The following DAZAP1 variants were observed in gnomAD, a reference collection of about 807,000 sequenced individuals.
DAZAP1 encodes the protein DAZ-associated protein 1.
A neutral mutation model predicts 60.1 loss-of-function variants in DAZAP1; 6 were observed. The ratio of observed to expected loss-of-function variants is 0.10; its 90% CI spans 0.05 to 0.20. The LOEUF (loss-of-function observed/expected upper bound fraction) is 0.20, where lower values mean the gene tolerates loss of function less well. DAZAP1 is among the 10% of genes least tolerant of loss of function. The probability of loss-of-function intolerance (pLI) is 1.00; values close to 1 mark genes in which losing one functional copy is unlikely to be tolerated. For missense variants in DAZAP1, 366 were observed against 560.4 expected, an observed-to-expected ratio of 0.65 and a Z score of 3.50; for synonymous variants, 235 against 215.9, an observed-to-expected ratio of 1.09 and a Z score of -0.78.
At position 1,422,174 on chromosome 19, in the gene DAZAP1, C is replaced by G. The variant is rs558413254; in HGVS notation, c.415-174C>G. On this transcript the variant is annotated intron_variant, in intron 5 of 11. Transcript: ENST00000233078. The surrounding 1 kb of genome is among the most constrained non-coding windows in gnomAD (Gnocchi z 4.5). ...GTCTGGCCCTGGGAGTGTTGGGGCT[C>G]CAGCCTTTCTCAGACAGCAGCCCCA... 6.6e-6 allele frequency among the ~76,000 whole-genome samples: 1 copy of G among 152,346 alleles called. No individual in the cohort carries two copies. The highest frequency in any genetic ancestry group is 2.4e-5 in the African/African-American group (1 of 41,582).
At chr19:1,411,283 G>A (rs966103833) in intron 1 of DAZAP1, among the ~76,000 whole-genome samples, 12 of 152,224 alleles carry the variant, frequency 7.9e-5, no homozygotes, top group Admixed American at 2.6e-4. Context: ...GGGCACCGTG[G>A]GCACTGCAGG....
rs769917383 is a variant in DAZAP1, at chr19:1,434,858, C to T, written c.1170C>T (p.Gly390=). Reference sequence around the variant, plus strand: ...GGGGCCCCCCCGCCGGCGGCAGCGGCTTTGGACGAGGGCAGAACCACAACG... The same window carrying T: ...GGGGCCCCCCCGCCGGCGGCAGCGGTTTTGGACGAGGGCAGAACCACAACG... ...GSGGPPAGGS[G]FGRGQNHNVQ... The change falls in exon 12 of 12, where the codon GGC becomes GGT. Residue 390 remains glycine, a synonymous_variant. Coordinates refer to ENST00000233078, the MANE Select transcript of DAZAP1 (RefSeq NM_018959.4). This position sits in a 1 kb window ranked among gnomAD's most constrained non-coding sequence, Gnocchi z 8.0. 1 of 1,602,078 alleles carries T rather than the reference C, an allele frequency of 6.2e-7. No individual in the cohort carries two copies. The highest frequency in any genetic ancestry group is 1.7e-5 in the Admixed American group (1 of 57,902).
At chr19:1,410,522 G>A (rs550673309) in intron 1 of DAZAP1, among the ~76,000 whole-genome samples, 1 of 152,346 alleles carries the variant, frequency 6.6e-6, no homozygotes, top group African/African-American at 2.4e-5. Flanking sequence ...TCTCCAGTGT[G>A]CCCTCCCTGG....
At position 1,425,487 on chromosome 19, in the gene DAZAP1, T is replaced by C. The variant is rs1478498489; in HGVS notation, c.464-391T>C. 6.6e-6 allele frequency among the ~76,000 whole-genome samples: 1 copy of C among 152,254 alleles called. No individual in the cohort carries two copies. Among genetic ancestry groups the C allele is most frequent in the Non-Finnish European group, 1.5e-5 (1 of 68,042 alleles). ...GCCAGAATATTCAAGCACGGGCCTCTGACCCTCCCCTGGGGGGCGCTTTGT... is the reference window on the plus strand; with the variant it reads ...GCCAGAATATTCAAGCACGGGCCTCCGACCCTCCCCTGGGGGGCGCTTTGT... On this transcript the variant is annotated intron_variant, in intron 6 of 11. Coordinates refer to ENST00000233078, the MANE Select transcript of DAZAP1 (RefSeq NM_018959.4). The surrounding 1 kb of genome is among the most constrained non-coding windows in gnomAD (Gnocchi z 5.4).
chr19:1,430,881 C>A (rs150338141), intron 10 of DAZAP1, among the ~76,000 whole-genome samples: 2 of 148,704 alleles, frequency 1.3e-5, no homozygotes, highest in East Asian at 4.1e-4. Flanking sequence ...CCACCACGCC[C>A]GGCTAATTTT....
chr19:1,434,696 G>A lies in DAZAP1; in HGVS notation c.1049-41G>A, dbSNP rs200000998. 42 of 1,603,446 alleles carry A rather than the reference G, an allele frequency of 2.6e-5. No homozygotes were observed. The highest frequency in any genetic ancestry group is 3.2e-5 in the Non-Finnish European group (38 of 1,175,800). On this transcript the variant is annotated intron_variant, in intron 11 of 11. Coordinates refer to ENST00000233078, the MANE Select transcript of DAZAP1 (RefSeq NM_018959.4). The surrounding 1 kb of genome is among the most constrained non-coding windows in gnomAD (Gnocchi z 8.0). ...GCCTCGCTCGACGGCAGTGCCAACCGCCCAGGGACCGCCCCGAGCTCACAG... is the reference window on the plus strand; with the variant it reads ...GCCTCGCTCGACGGCAGTGCCAACCACCCAGGGACCGCCCCGAGCTCACAG...
intron 1 of DAZAP1, among the ~76,000 whole-genome samples, chr19:1,411,515 C>A (rs1281215304): frequency 6.6e-6 from 1 of 152,156 alleles, no homozygotes; most frequent in African/African-American, 2.4e-5. Flanking sequence ...TGTGAATGGG[C>A]CTTGAGGGTG....
intron 2 of DAZAP1, among the ~76,000 whole-genome samples, 198 bp downstream of exon 2, chr19:1,417,738 C>T (rs1214800034): frequency 6.6e-6 from 1 of 152,154 alleles, no homozygotes; most frequent in Non-Finnish European, 1.5e-5. Flanking sequence ...TCCCAAGTTA[C>T]AGGGAAGACC....
In DAZAP1 at chr19:1,430,185, C is replaced by T. The variant is rs200950188; in HGVS notation, c.731-37C>T. 1,061 of 1,580,302 alleles carry T rather than the reference C, an allele frequency of 6.7e-4. 13 individuals carry two copies. In the Admixed American group the frequency reaches 0.016, roughly 24 times the overall value. The stretch of plus-strand genomic sequence containing the variant: ...ACTGTGGCCAGTCTGTGTTGTCCAG[C>T]GCTCTCTGTCCATCACCCCCGTACT... On this transcript the variant is annotated intron_variant, in intron 9 of 11. Coordinates refer to ENST00000233078, the MANE Select transcript of DAZAP1 (RefSeq NM_018959.4).
In DAZAP1 at chr19:1,407,641, G is replaced by GCCA. The variant is rs966315718; in HGVS notation, c.-131_-130insACC. The GCCA allele has an allele frequency of 1.1e-6, 1 of 898,452 alleles. No individual in the cohort carries two copies. Among genetic ancestry groups the GCCA allele is most frequent in the African/African-American group, 1.8e-5 (1 of 54,412 alleles). The allele number at this position is 898,452 out of a possible 1,614,324, so 55.7% of individuals were successfully genotyped here. On this transcript the variant is annotated 5_prime_UTR_variant, in exon 1 of 12. Coordinates refer to ENST00000233078, the MANE Select transcript of DAZAP1 (RefSeq NM_018959.4). ...GGCAGCCGCCGCCGCCGCCGCCGCC[G>GCCA]CCGCCGCCGCCGCCGCCGCCGTTGC...
intron 10 of DAZAP1, among the ~76,000 whole-genome samples, chr19:1,431,148 A>G (rs2083440916): frequency 6.7e-6 from 1 of 149,738 alleles, no homozygotes; most frequent in African/African-American, 2.5e-5. Flanking sequence ...TTTTTTTTTG[A>G]GATGGAGTCT....
chr19:1,418,191 G>A lies in DAZAP1; in HGVS notation c.71-13G>A, dbSNP rs762795613. 2.3e-5 allele frequency: 37 copies of A among 1,613,004 alleles called. No individual in the cohort carries two copies. Among genetic ancestry groups the A allele is most frequent in the Middle Eastern group, 3.3e-4 (2 of 6,082 alleles). On this transcript the variant is annotated splice_polypyrimidine_tract_variant and intron_variant, in intron 2 of 11. Transcript: ENST00000233078. The surrounding 1 kb of genome is among the most constrained non-coding windows in gnomAD (Gnocchi z 5.7). ...CCCTGTGTGTTTGTGTTTTCTTCCC[G>A]ATTTCTGAGCAGAGACTCTGCGCAG...
At chr19:1,430,511 C>T in intron 10 of DAZAP1, 149 bp downstream of exon 10, 1 of 687,322 alleles carries the variant, frequency 1.5e-6, no homozygotes, top group Non-Finnish European at 2.3e-6. Flanking sequence ...CCACCAGGCC[C>T]TTCACCTGCA....
chr19:1,408,906 A>C (rs181392562), intron 1 of DAZAP1, among the ~76,000 whole-genome samples: 3 of 151,888 alleles, frequency 2.0e-5, no homozygotes, highest in Non-Finnish European at 4.4e-5. Flanking sequence ...GTCTGGTGTA[A>C]ATTTCTCGGT....
Position 1,424,498 on chromosome 19 carries a change from G to A in DAZAP1, c.464-1380G>A, listed in dbSNP as rs568824505. ...CAGTCTGAGCTGCCCTTTCTGCCCC[G>A]TTTCCATCTTTCCCCGCCCCCAGTT... On this transcript the variant is annotated intron_variant, in intron 6 of 11. Transcript: ENST00000233078. 1.0e-3 allele frequency among the ~76,000 whole-genome samples: 153 copies of A among 151,402 alleles called. 1 individual carries two copies. Among genetic ancestry groups the A allele is most frequent in the Middle Eastern group, 6.8e-3 (2 of 292 alleles).
intron 1 of DAZAP1, among the ~76,000 whole-genome samples, chr19:1,415,108 T>C (rs2082938487): frequency 6.6e-6 from 1 of 152,156 alleles, no homozygotes; most frequent in Admixed American, 6.5e-5. Flanking sequence ...CCCCCGGCCC[T>C]GTTTCAGGTT....
At chr19:1,430,482 C>T in intron 10 of DAZAP1, 120 bp downstream of exon 10, 1 of 962,842 alleles carries the variant, frequency 1.0e-6, no homozygotes, top group South Asian at 2.2e-5. Flanking sequence ...GGGGTGCCGG[C>T]TGGTCAGCAG....
rs1403098462 is a variant in DAZAP1 at position 1,426,764 on chromosome 19, C to A, written c.546+804C>A. 3 of 152,230 alleles carry A rather than the reference C, an allele frequency of 2.0e-5. No homozygotes were observed. The highest frequency in any genetic ancestry group is 4.4e-5 in the Non-Finnish European group (3 of 68,032). The allele number at this position is 152,230 out of a possible 1,614,324, so 9.4% of individuals were successfully genotyped here. On this transcript the variant is annotated intron_variant, in intron 7 of 11. Transcript: ENST00000233078. This position sits in a 1 kb window ranked among gnomAD's most constrained non-coding sequence, Gnocchi z 5.4. ...GTCCAGGTTTTTGCAGGATTCCTGT[C>A]TTGGTCCTTTCAAACCAAGGAGCTC...
Position 1,428,572 on chromosome 19 carries a change from C to G in DAZAP1, c.547-270C>G. On this transcript the variant is annotated intron_variant, in intron 7 of 11. Coordinates refer to ENST00000233078, the MANE Select transcript of DAZAP1 (RefSeq NM_018959.4). This position sits in a 1 kb window ranked among gnomAD's most constrained non-coding sequence, Gnocchi z 4.0. ...GCACGAAACCCCCGAGGGCTCTGGG[C>G]TCGGTCCTGCTGCCCCGCAGTGGGC... 1 of 397,836 alleles carries G rather than the reference C, an allele frequency of 2.5e-6. No individual in the cohort carries two copies. Among genetic ancestry groups the G allele is most frequent in the Non-Finnish European group, 4.5e-6 (1 of 222,150 alleles). The allele number at this position is 397,836 out of a possible 1,614,324, so 24.6% of individuals were successfully genotyped here. A position where few individuals can be genotyped will look rare whatever the true frequency, so the allele number is the denominator to read the frequency against.
Sources: gnomAD v4.1 joint callset for allele counts (sites outside exome capture counted in the v4.1 genomes callset) on GRCh38, gnomAD v4.1.1 for gene constraint, Gnocchi (gnomAD v3.1) non-coding constraint, MANE v1.5 for transcripts, NCBI Gene and HGNC (gene_info 2026-07-23, HGNC 2026-07-21) for gene names.